The following ATP2B3 variants were observed in gnomAD, a reference collection of about 807,000 sequenced individuals.
ATP2B3 encodes ATPase plasma membrane Ca2+ transporting 3.
ATP2B3 carries 12 observed loss-of-function variants against 70.8 expected under a neutral mutation model. That is an observed-to-expected ratio of 0.17 (90% confidence interval 0.11 to 0.27). The LOEUF is 0.27. ATP2B3 is among the 10% of genes least tolerant of loss of function. The pLI, the probability that ATP2B3 is intolerant of heterozygous loss-of-function variation, is 1.00. For missense variants in ATP2B3, 858 were observed against 1,118.5 expected, an observed-to-expected ratio of 0.77 and a Z score of 3.32; for synonymous variants, 460 against 497.8, an observed-to-expected ratio of 0.92 and a Z score of 1.01.
intron 21 of ATP2B3, 72 bp from the exon 22 acceptor site, chrX:153,579,906 T>C: frequency 1.0e-6 from 1 of 966,889 alleles, no homozygotes; most frequent in Non-Finnish European, 1.4e-6. Flanking sequence ...CTTCCACGTT[T>C]CCTTTCCTTT....
intron 21 of ATP2B3, among the ~76,000 whole-genome samples, chrX:153,565,862 C>T (rs2090699615): frequency 8.9e-6 from 1 of 112,770 alleles, no homozygotes; most frequent in East Asian, 2.8e-4. Context: ...CTCGCCTAGG[C>T]CTGCGAGGCT....
intron 21 of ATP2B3, among the ~76,000 whole-genome samples, chrX:153,568,125 C>T (rs1354995122): frequency 1.8e-5 from 2 of 112,016 alleles, no homozygotes; most frequent in Non-Finnish European, 3.8e-5. Context: ...CCTGCTCGCA[C>T]CATGGTTCCA....
chrX:153,551,156 G>T (rs1557011400), intron 12 of ATP2B3, among the ~76,000 whole-genome samples: 6 of 112,387 alleles, frequency 5.3e-5, no homozygotes, highest in Non-Finnish European at 1.1e-4. Context: ...TTCCACAGGG[G>T]CAGCACCGTT....
intron 21 of ATP2B3, among the ~76,000 whole-genome samples, chrX:153,573,622 C>T (rs906278528): frequency 1.5e-4 from 17 of 112,641 alleles, no homozygotes; most frequent in Non-Finnish European, 2.8e-4. Context: ...CCCCAGGACC[C>T]CTGGTCCAAG....
intron 21 of ATP2B3, among the ~76,000 whole-genome samples, chrX:153,568,435 A>G (rs4507944): frequency 0.48 from 52,043 of 109,235 alleles, 9,260 homozygotes; most frequent in Admixed American, 0.58. Context: ...CATCTTTCCT[A>G]TCCCTCATCA....
chrX:153,566,524 C>A (rs1349059443), intron 21 of ATP2B3, among the ~76,000 whole-genome samples: 1 of 111,902 alleles, frequency 8.9e-6, no homozygotes, highest in Non-Finnish European at 1.9e-5. Context: ...AGGGCCGAGT[C>A]TCAAGGGACC....
intron 2 of ATP2B3, among the ~76,000 whole-genome samples, chrX:153,527,108 C>T (rs2090044488): frequency 1.8e-5 from 2 of 112,600 alleles, no homozygotes; most frequent in Non-Finnish European, 3.8e-5. Flanking sequence ...CTATTTAGGC[C>T]CCGACGGCTT....
Position 153,542,338 on chromosome X carries a change from C to T in ATP2B3, c.680C>T (p.Ala227Val), listed in dbSNP as rs1180576613. ...AQVKYGDLLP[A>V]DGVLIQANDL... ...GGTGCTCTAGGCGACCTGCTGCCAG[C>T]CGACGGCGTGCTCATCCAGGCCAAT... The change falls in exon 6 of 22, where the codon GCC becomes GTC. Residue 227 changes from alanine (A) to valine (V), a missense_variant. Physicochemically the swap from Ala to Val is moderately conservative, Grantham distance 64. Around this residue, in one of 5 missense-constraint regions of ATP2B3, gnomAD observed 278 missense variants for 366.2 expected, o/e 0.76. Coordinates refer to ENST00000263519, the MANE Select transcript of ATP2B3 (RefSeq NM_001001344.3). 1 of 1,209,924 alleles carries T rather than the reference C, an allele frequency of 8.3e-7. No homozygotes were observed. Among genetic ancestry groups the T allele is most frequent in the East Asian group, 3.0e-5 (1 of 33,772 alleles).
At position 153,548,861 on chromosome X, in the gene ATP2B3, A is replaced by C; in HGVS notation, c.1338+7A>C. 8.3e-7 allele frequency: 1 copy of C among 1,205,871 alleles called. No homozygotes were observed. The highest frequency in any genetic ancestry group is 1.8e-5 in the South Asian group (1 of 56,690). Reference sequence around the variant, plus strand: ...CTTAGCTTACTCTGTCAAGGTAATCATAAAACTTACAGTTGATACTGTTTA... The same window carrying C: ...CTTAGCTTACTCTGTCAAGGTAATCCTAAAACTTACAGTTGATACTGTTTA... On this transcript the variant is annotated splice_region_variant and intron_variant, in intron 10 of 21. Coordinates refer to ENST00000263519, the MANE Select transcript of ATP2B3 (RefSeq NM_001001344.3).
At position 153,557,455 on chromosome X, in the gene ATP2B3, G is replaced by T. The variant is rs574465691; in HGVS notation, c.2433+432G>T. Reference sequence around the variant, plus strand: ...GACGCCACCCACATGGCTGGTTGCGGCCCCTCAGTGGCCCCACAGCCACTG... The same window carrying T: ...GACGCCACCCACATGGCTGGTTGCGTCCCCTCAGTGGCCCCACAGCCACTG... On this transcript the variant is annotated intron_variant, in intron 16 of 21. Transcript: ENST00000263519. 8.9e-5 allele frequency among the ~76,000 whole-genome samples: 10 copies of T among 112,369 alleles called. No individual in the cohort carries two copies. In the South Asian group the frequency reaches 1.1e-3, roughly 13 times the overall value.
In ATP2B3 at chrX:153,569,472, G is replaced by T. The variant is rs1275179983; in HGVS notation, c.3342+4369G>T. On this transcript the variant is annotated intron_variant, in intron 21 of 21. Transcript: ENST00000263519. ...CAAACATCGCCAGCTCCCAGTGAGCGGGGTGACCCGATGAGGCTTTGCTGT... is the reference window on the plus strand; with the variant it reads ...CAAACATCGCCAGCTCCCAGTGAGCTGGGTGACCCGATGAGGCTTTGCTGT... 3.9e-6 allele frequency: 3 copies of T among 760,657 alleles called. No homozygotes were observed. In the South Asian group the frequency reaches 7.2e-5, roughly 18 times the overall value. 62.7% of individuals were successfully genotyped at this position (760,657 alleles called of 1,213,427 possible).
chrX:153,521,603 A>G (rs2089960039), intron 2 of ATP2B3, among the ~76,000 whole-genome samples: 1 of 111,552 alleles, frequency 9.0e-6, no homozygotes, highest in Admixed American at 9.4e-5. Context: ...CTTGAAGAGC[A>G]CCTTATTTAA....
In ATP2B3 at chrX:153,562,262, C is replaced by T; in HGVS notation, c.3159+20C>T. On this transcript the variant is annotated intron_variant, in intron 20 of 21. Coordinates refer to ENST00000263519, the MANE Select transcript of ATP2B3 (RefSeq NM_001001344.3). ...GGACAGGTGAGTGACAGCCCTGCCC[C>T]TCATTTCAGACTGCCCTGCAGACAG... is the stretch of plus-strand genomic sequence containing the variant. The T allele has an allele frequency of 1.7e-6, 2 of 1,185,420 alleles. No homozygotes were observed. Among genetic ancestry groups the T allele is most frequent in the African/African-American group, 1.7e-5 (1 of 57,526 alleles).
At chrX:153,550,436 C>A in intron 12 of ATP2B3, 150 bp downstream of exon 12, 1 of 913,531 alleles carries the variant, frequency 1.1e-6, no homozygotes, top group African/African-American at 2.0e-5. Flanking sequence ...ATCATGCAAC[C>A]GTCACCACTA....
intron 14 of ATP2B3, 28 bp downstream of exon 14, chrX:153,556,256 A>G (rs1193272833): frequency 1.7e-6 from 2 of 1,197,982 alleles, no homozygotes. Context: ...GCCACCCCAG[A>G]CCCCCCTTCT....
chrX:153,521,896 C>T (rs2089964410), intron 2 of ATP2B3, among the ~76,000 whole-genome samples: 2 of 112,098 alleles, frequency 1.8e-5, no homozygotes, highest in African/African-American at 6.5e-5. Context: ...AGCTGCTCTA[C>T]AGGAAATGGA....
intron 2 of ATP2B3, among the ~76,000 whole-genome samples, chrX:153,531,084 CA>C (rs1475454880): frequency 8.9e-6 from 1 of 112,691 alleles, no homozygotes; most frequent in Non-Finnish European, 1.9e-5. Flanking sequence ...GGGGAGGGGG[CA>C]GGGGCGGGCA....
At chrX:153,549,265 G>C (rs1281112667) in intron 10 of ATP2B3, among the ~76,000 whole-genome samples, 1 of 107,689 alleles carries the variant, frequency 9.3e-6, no homozygotes, top group Non-Finnish European at 1.9e-5. Context: ...ACTGAGAGGG[G>C]GCTCGGGCAG....
In ATP2B3 at chrX:153,565,044, C is replaced by A; in HGVS notation, c.3283C>A (p.Arg1095=). 1 of 1,200,297 alleles carries A rather than the reference C, an allele frequency of 8.3e-7. No individual in the cohort carries two copies. The highest frequency in any genetic ancestry group is 1.1e-6 in the Non-Finnish European group (1 of 889,618). Residue 1095 remains arginine (R), a synonymous_variant, in exon 21 of 22, where the codon CGG becomes AGG. Transcript: ENST00000263519. ...EGEEEIDHAE[R]ELRRGQILWF... The stretch of plus-strand genomic sequence containing the variant: ...CGAGGAAGAGATCGACCATGCCGAG[C>A]GGGAGCTCCGCAGGGGCCAGATCCT...
Sources: allele counts gnomAD v4.1 joint callset (sites outside exome capture counted in the v4.1 genomes callset), GRCh38; gene constraint gnomAD v4.1.1; regional missense constraint gnomAD v4.1.1; transcripts MANE v1.5; gene names NCBI Gene and HGNC (gene_info 2026-07-23, HGNC 2026-07-21).